IL1RAPL2: variants seen among roughly 807,000 people sequenced by gnomAD.
IL1RAPL2 encodes interleukin 1 receptor accessory protein like 2.
IL1RAPL2 carries 3 observed loss-of-function variants against 44.1 expected under a neutral mutation model. The observed-to-expected ratio is 0.07, with a 90% confidence interval of 0.03 to 0.18. The LOEUF is 0.18. IL1RAPL2 is among the 10% of genes least tolerant of loss of function. IL1RAPL2 has a pLI of 1.00. For synonymous variants in IL1RAPL2, 181 were observed against 178.8 expected, an observed-to-expected ratio of 1.01 and a Z score of -0.10; for missense variants, 391 against 496.4, an observed-to-expected ratio of 0.79 and a Z score of 2.02.
chrX:105,684,658 A>T (rs2147526004), intron 6 of IL1RAPL2, among the ~76,000 whole-genome samples: 1 of 112,460 alleles, frequency 8.9e-6, no homozygotes, highest in Non-Finnish European at 1.9e-5. Context: ...TCCCTGTCTG[A>T]CAGCTCTGTA....
chrX:104,925,145 A>G (rs1436644888), intron 2 of IL1RAPL2, among the ~76,000 whole-genome samples: 1 of 107,561 alleles, frequency 9.3e-6, no homozygotes, highest in Non-Finnish European at 1.9e-5. Flanking sequence ...CCAAGAATGA[A>G]CCAGTGAGAA....
intron 4 of IL1RAPL2, among the ~76,000 whole-genome samples, chrX:105,249,242 T>G (rs1485838139): frequency 9.0e-6 from 1 of 110,941 alleles, no homozygotes; most frequent in Non-Finnish European, 1.9e-5. Flanking sequence ...GGCCAGGTAC[T>G]GAAAGACAAA....
chrX:104,826,474 G>C (rs1427032694), intron 2 of IL1RAPL2, among the ~76,000 whole-genome samples: 1 of 111,810 alleles, frequency 8.9e-6, no homozygotes, highest in Non-Finnish European at 1.9e-5. Flanking sequence ...TGTGGTCTCA[G>C]AGACTGTTTG....
rs113021215 is a variant in IL1RAPL2 at position 105,675,900 on chromosome X, G to A, written c.773-41467G>A. On this transcript the variant is annotated intron_variant, in intron 6 of 10. Transcript: ENST00000372582. ...TGGTTCAGTCTTGGAGGGTGTATGTGTCCAGGAATATATCTGTTTTCTTTA... is the reference window on the plus strand; with the variant it reads ...TGGTTCAGTCTTGGAGGGTGTATGTATCCAGGAATATATCTGTTTTCTTTA... Among the ~76,000 whole-genome samples the A allele has an allele frequency of 2.3e-3, 257 of 111,612 alleles. 1 individual carries two copies. Among genetic ancestry groups the A allele is most frequent in the African/African-American group, 8.1e-3 (248 of 30,775 alleles).
At chrX:104,935,059 AGCACTTAGGG>A (rs1253610691) in intron 2 of IL1RAPL2, among the ~76,000 whole-genome samples, 3 of 111,874 alleles carry the variant, frequency 2.7e-5, no homozygotes, top group African/African-American at 9.7e-5. Flanking sequence ...TAAAAGGTCT[AGCACTTAGGG>A]GACACTGTGC....
At chrX:104,726,310 C>T (rs372758024) in intron 2 of IL1RAPL2, among the ~76,000 whole-genome samples, 5 of 111,135 alleles carry the variant, frequency 4.5e-5, no homozygotes, top group East Asian at 2.8e-4. Context: ...AGTCAGGTAG[C>T]GTGATGCCTC....
rs905347548 is a variant in IL1RAPL2, at chrX:105,643,696, G to A, written c.773-73671G>A. On this transcript the variant is annotated intron_variant, in intron 6 of 10. Transcript: ENST00000372582. ...TCAGCGGCTGGGCAAGCTCCTGTTG[G>A]CACTGTTCATTTGCCACCTTTCATG... is the stretch of plus-strand genomic sequence containing the variant. Among the ~76,000 whole-genome samples, 8 of 111,042 alleles carry A rather than the reference G, an allele frequency of 7.2e-5. No individual in the cohort carries two copies. In the Admixed American group the frequency reaches 7.6e-4, roughly 11 times the overall value.
intron 2 of IL1RAPL2, among the ~76,000 whole-genome samples, chrX:105,020,397 A>G (rs1184916248): frequency 1.8e-5 from 2 of 111,932 alleles, no homozygotes; most frequent in African/African-American, 6.5e-5. Flanking sequence ...AGTGCAGTCA[A>G]GCATTTAGCA....
chrX:105,210,868 G>A (rs782204857), intron 3 of IL1RAPL2, among the ~76,000 whole-genome samples: 2 of 110,702 alleles, frequency 1.8e-5, no homozygotes, highest in African/African-American at 6.6e-5. Context: ...CTCCATTTGT[G>A]TCTCAATCTG....
At chrX:105,288,000 G>C (rs2034583820) in intron 5 of IL1RAPL2, among the ~76,000 whole-genome samples, 1 of 111,204 alleles carries the variant, frequency 9.0e-6, no homozygotes, top group African/African-American at 3.3e-5. Context: ...GCTTGATAGA[G>C]GAATGCCAAG....
chrX:105,657,594 A>G (rs1207187499), intron 6 of IL1RAPL2, among the ~76,000 whole-genome samples: 2 of 111,793 alleles, frequency 1.8e-5, no homozygotes, highest in Non-Finnish European at 3.8e-5. Flanking sequence ...GTACTAAAAG[A>G]CCTGAATCAA....
chrX:104,831,925 G>A (rs185461031), intron 2 of IL1RAPL2, among the ~76,000 whole-genome samples: 7 of 111,703 alleles, frequency 6.3e-5, no homozygotes, highest in African/African-American at 1.9e-4. Flanking sequence ...ACTGAAGCCC[G>A]CAGGAGTCTA....
intron 2 of IL1RAPL2, among the ~76,000 whole-genome samples, chrX:104,826,814 T>C (rs1288721167): frequency 9.0e-6 from 1 of 110,852 alleles, no homozygotes; most frequent in Non-Finnish European, 1.9e-5. Flanking sequence ...TGCATATATA[T>C]TTAGGATGGT....
intron 1 of IL1RAPL2, among the ~76,000 whole-genome samples, chrX:104,635,323 G>T (rs751958476): frequency 1.0e-3 from 110 of 109,647 alleles, no homozygotes; most frequent in Middle Eastern, 4.7e-3. Flanking sequence ...TTTGTGTCTT[G>T]GAGTTGCTCT....
intron 2 of IL1RAPL2, among the ~76,000 whole-genome samples, chrX:104,713,434 C>A (rs1293274823): frequency 9.0e-6 from 1 of 110,779 alleles, no homozygotes. Flanking sequence ...AAAATGTAAT[C>A]CCTTCCACCT....
intron 7 of IL1RAPL2, among the ~76,000 whole-genome samples, chrX:105,735,887 A>T (rs2038443878): frequency 9.0e-6 from 1 of 111,708 alleles, no homozygotes; most frequent in Non-Finnish European, 1.9e-5. Flanking sequence ...AAAACTATTT[A>T]AAAATGTATA....
At chrX:105,103,700 G>A (rs1175252540) in intron 2 of IL1RAPL2, among the ~76,000 whole-genome samples, 1 of 111,566 alleles carries the variant, frequency 9.0e-6, no homozygotes, top group Non-Finnish European at 1.9e-5. Context: ...AGTAGAACTA[G>A]GCTAGGGTAC....
chrX:105,144,554 TTC>T (rs1178978035), intron 2 of IL1RAPL2, among the ~76,000 whole-genome samples: 1 of 111,571 alleles, frequency 9.0e-6, no homozygotes, highest in Non-Finnish European at 1.9e-5. Flanking sequence ...AGTAACTATC[TTC>T]TGTCTCTGAC....
intron 6 of IL1RAPL2, among the ~76,000 whole-genome samples, chrX:105,617,082 C>T (rs932568133): frequency 5.4e-5 from 6 of 110,479 alleles, no homozygotes; most frequent in African/African-American, 2.0e-4. Context: ...ACATACAATA[C>T]TTAATGATGT....
Sources: allele counts gnomAD v4.1 joint callset (sites outside exome capture counted in the v4.1 genomes callset), GRCh38; gene constraint gnomAD v4.1.1; transcripts MANE v1.5; gene names NCBI Gene and HGNC (gene_info 2026-07-23, HGNC 2026-07-21).